The following BLTP1 variants were observed in gnomAD, a reference collection of about 807,000 sequenced individuals.
BLTP1 encodes the protein bridge-like lipid transfer protein family member 1.
At chr4:122,252,805 C>T in the BLTP1 span, among the ~76,000 whole-genome samples, 1,091 of 152,220 alleles carry the variant, frequency 7.2e-3, 8 homozygotes, top group African/African-American at 0.025. Flanking sequence ...TGTGAGCAAA[C>T]GTAGGCAGAA....
the BLTP1 span, chr4:122,234,078 A>G: frequency 6.5e-6 from 1 of 153,972 alleles, no homozygotes; most frequent in Non-Finnish European, 1.4e-5. Flanking sequence ...AAAAGGAATA[A>G]AGGTATATCT....
chr4:122,214,809 G>A, the BLTP1 span, among the ~76,000 whole-genome samples: 3 of 151,328 alleles, frequency 2.0e-5, no homozygotes, highest in Admixed American at 6.6e-5. Flanking sequence ...ACAGGGTTTC[G>A]CCATGTTGCG....
chr4:122,175,229 A>C, the BLTP1 span: 1 of 984,912 alleles, frequency 1.0e-6, no homozygotes, highest in Non-Finnish European at 1.2e-6. Context: ...AGAGTTTGGC[A>C]GTGCTCACAC....
the BLTP1 span, chr4:122,182,922 T>C: frequency 3.0e-6 from 3 of 984,178 alleles, no homozygotes; most frequent in Non-Finnish European, 3.6e-6. Flanking sequence ...ACCACCTCTT[T>C]CTTGAAAGAC....
chr4:122,256,227 AG>A, the BLTP1 span: 3 of 949,696 alleles, frequency 3.2e-6, no homozygotes, highest in Non-Finnish European at 3.8e-6. Context: ...AAGAATCTCT[AG>A]TAAGTGTTGG....
At chr4:122,296,317 A>G in the BLTP1 span, among the ~76,000 whole-genome samples, 4 of 152,212 alleles carry the variant, frequency 2.6e-5, no homozygotes, top group Admixed American at 1.3e-4. Context: ...CCCATTCACA[A>G]TCACTTCAAA....
At chr4:122,339,004 ATGTAACTTTT>A in the BLTP1 span, 1 of 183,608 alleles carries the variant, frequency 5.4e-6, no homozygotes, top group Non-Finnish European at 1.0e-5. Flanking sequence ...TGGAAATTAA[ATGTAACTTTT>A]GAAATCCAAG....
At chr4:122,325,195 A>T in the BLTP1 span, 2 of 1,558,814 alleles carry the variant, frequency 1.3e-6, no homozygotes, top group Non-Finnish European at 1.7e-6. Context: ...TTTAATGAGA[A>T]TATTGGTGTT....
the BLTP1 span, chr4:122,187,836 A>C: frequency 6.7e-7 from 1 of 1,499,528 alleles, no homozygotes; most frequent in Non-Finnish European, 8.8e-7. Context: ...CTAAAGAAAG[A>C]AATATGGCCA....
At chr4:122,187,457 A>T in the BLTP1 span, 1 of 1,611,918 alleles carries the variant, frequency 6.2e-7, no homozygotes, top group South Asian at 1.1e-5. Flanking sequence ...GAATCCCAAG[A>T]CCCCACATCT....
At chr4:122,263,776 C>T in the BLTP1 span, among the ~76,000 whole-genome samples, 1 of 152,108 alleles carries the variant, frequency 6.6e-6, no homozygotes, top group Non-Finnish European at 1.5e-5. Context: ...AGCAGTCACT[C>T]AGTGTTCTTG....
At chr4:122,346,848 G>A in the BLTP1 span, 1 of 1,537,238 alleles carries the variant, frequency 6.5e-7, no homozygotes, top group Non-Finnish European at 8.7e-7. Context: ...TTGGCAGGGT[G>A]TACCATGTGA....
At chr4:122,282,609 T>TC in the BLTP1 span, among the ~76,000 whole-genome samples, 2 of 152,132 alleles carry the variant, frequency 1.3e-5, no homozygotes, top group Admixed American at 6.6e-5. Flanking sequence ...GCCACTGCAC[T>TC]CCAGCCTTGG....
the BLTP1 span, among the ~76,000 whole-genome samples, chr4:122,204,185 A>G: frequency 6.6e-6 from 1 of 151,886 alleles, no homozygotes; most frequent in South Asian, 2.1e-4. Context: ...AATACCAGAC[A>G]TTATGTATAT....
the BLTP1 span, among the ~76,000 whole-genome samples, chr4:122,228,560 G>A: frequency 6.6e-6 from 1 of 152,150 alleles, no homozygotes; most frequent in Admixed American, 6.5e-5. Context: ...ATGCTATTGG[G>A]CCAATAATTT....
At chr4:122,226,999 G>A in the BLTP1 span, 6 of 596,216 alleles carry the variant, frequency 1.0e-5, no homozygotes, top group South Asian at 4.6e-5. Context: ...TTAGTTTTAA[G>A]TATCTAAAAT....
At chr4:122,165,817 TG>T in the BLTP1 span, among the ~76,000 whole-genome samples, 1 of 147,060 alleles carries the variant, frequency 6.8e-6, no homozygotes, top group African/African-American at 2.5e-5. Flanking sequence ...ATTTCTCTGA[TG>T]GCCAGTGATG....
At chr4:122,261,956 AG>A in the BLTP1 span, 8 of 985,294 alleles carry the variant, frequency 8.1e-6, no homozygotes, top group Non-Finnish European at 9.6e-6. Flanking sequence ...AGGGCTTCAC[AG>A]CACTGGTATC....
the BLTP1 span, among the ~76,000 whole-genome samples, chr4:122,335,860 C>G: frequency 1.3e-5 from 2 of 152,106 alleles, no homozygotes. Context: ...TTTTTCTTCA[C>G]TTGCCACTAA....
Sources: allele counts gnomAD v4.1 joint callset (sites outside exome capture counted in the v4.1 genomes callset), GRCh38; gene constraint gnomAD v4.1.1; transcripts MANE v1.5; gene names NCBI Gene and HGNC (gene_info 2026-07-23, HGNC 2026-07-21).